Variants in TCF7 observed in about 807,000 individuals in gnomAD.
TCF7 encodes transcription factor 7, also known as T-cell-factor-7.
TCF7 carries 19 observed loss-of-function variants against 46.8 expected under a neutral mutation model. That is an observed-to-expected ratio of 0.41 (90% CI 0.28 to 0.60). TCF7 has a LOEUF of 0.60. Among genes scored for constraint, TCF7 ranks in the 20% least tolerant of loss-of-function variants. The probability of loss-of-function intolerance (pLI) is 0.35; values close to 1 mark genes in which losing one functional copy is unlikely to be tolerated. For synonymous variants in TCF7, 245 were observed against 213.4 expected, an observed-to-expected ratio of 1.15 and a Z score of -1.29; for missense variants, 547 against 504.6, an observed-to-expected ratio of 1.08 and a Z score of -0.81.
intron 3 of TCF7, among the ~76,000 whole-genome samples, chr5:134,118,085 T>A (rs1236034043): frequency 6.6e-6 from 1 of 152,206 alleles, no homozygotes; most frequent in Non-Finnish European, 1.5e-5. Context: ...CCTGAAGACG[T>A]GTGGGCATTG....
At chr5:134,124,015 C>T (rs976146323) in intron 3 of TCF7, among the ~76,000 whole-genome samples, 3 of 152,026 alleles carry the variant, frequency 2.0e-5, no homozygotes, top group Non-Finnish European at 2.9e-5. Flanking sequence ...TCTCGGGGTT[C>T]GGGATCCTAG....
intron 3 of TCF7, among the ~76,000 whole-genome samples, chr5:134,126,918 A>G (rs1561664833): frequency 6.6e-6 from 1 of 151,910 alleles, no homozygotes; most frequent in Non-Finnish European, 1.5e-5. Context: ...AAAAGATCGT[A>G]CAAGCCAAGA....
chr5:134,138,720 C>T (rs916677628), intron 4 of TCF7: 21 of 556,308 alleles, frequency 3.8e-5, no homozygotes, highest in African/African-American at 3.6e-4. Flanking sequence ...TGCCTACTGG[C>T]CCCCTAATGT....
In TCF7 at chr5:134,138,051, T is replaced by C; in HGVS notation, c.442-8T>C. 2 of 1,587,612 alleles carry C rather than the reference T, an allele frequency of 1.3e-6. No individual in the cohort carries two copies. The highest frequency in any genetic ancestry group is 1.7e-4 in the Middle Eastern group (1 of 5,956). Reference sequence around the variant, plus strand: ...CCACACTCACCCACCCTCCTTCTCATTTTTCAGCACAAGGCCAATCAGCCC... The same window carrying C: ...CCACACTCACCCACCCTCCTTCTCACTTTTCAGCACAAGGCCAATCAGCCC... On this transcript the variant is annotated splice_polypyrimidine_tract_variant and splice_region_variant and intron_variant, in intron 3 of 9. Coordinates refer to ENST00000342854, the MANE Select transcript of TCF7 (RefSeq NM_003202.5).
chr5:134,138,808 C>A, intron 4 of TCF7, 143 bp from the exon 5 acceptor site: 1 of 1,321,034 alleles, frequency 7.6e-7, no homozygotes, highest in Non-Finnish European at 1.0e-6. Context: ...CTGGGATCCT[C>A]CTGAATAAAC....
intron 3 of TCF7, among the ~76,000 whole-genome samples, chr5:134,136,287 CAT>C (rs1394397734): frequency 2.2e-4 from 33 of 152,098 alleles, no homozygotes; most frequent in African/African-American, 6.8e-4. Context: ...AAGGAGTGCA[CAT>C]GTGTCCACAT....
rs1422519185 is a variant in TCF7, at chr5:134,147,069, A to G, written c.*766A>G. The G allele has an allele frequency of 6.3e-6, 1 of 158,060 alleles. No homozygotes were observed. The highest frequency in any genetic ancestry group is 2.4e-5 in the African/African-American group (1 of 41,508). The allele number at this position is 158,060 out of a possible 1,614,324, so 9.8% of individuals were successfully genotyped here. A position where few individuals can be genotyped will look rare whatever the true frequency, so the allele number is the denominator to read the frequency against. On this transcript the variant is annotated 3_prime_UTR_variant, in exon 10 of 10. Transcript: ENST00000342854. Reference sequence around the variant, plus strand: ...CCAGCTGCTACTCATAAGTTGGACCAGAGGAAGCCCCTTACTATGATCTCA... The same window carrying G: ...CCAGCTGCTACTCATAAGTTGGACCGGAGGAAGCCCCTTACTATGATCTCA...
At chr5:134,146,085 G>T in intron 9 of TCF7, 139 bp from the exon 10 acceptor site, 2 of 1,593,990 alleles carry the variant, frequency 1.3e-6, no homozygotes, top group Non-Finnish European at 1.7e-6. Flanking sequence ...GCAGTCTGAG[G>T]ACACTGACTT....
intron 3 of TCF7, among the ~76,000 whole-genome samples, chr5:134,135,331 A>G (rs1392081520): frequency 6.6e-6 from 1 of 152,140 alleles, no homozygotes; most frequent in African/African-American, 2.4e-5. Flanking sequence ...GGCAGAAGTG[A>G]CACGATCTGA....
At position 134,146,557 on chromosome 5, in the gene TCF7, C is replaced by T; in HGVS notation, c.*254C>T. 2 of 711,742 alleles carry T rather than the reference C, an allele frequency of 2.8e-6. No homozygotes were observed. Among genetic ancestry groups the T allele is most frequent in the South Asian group, 1.5e-5 (1 of 66,846 alleles). The allele number at this position is 711,742 out of a possible 1,614,324, so 44.1% of individuals were successfully genotyped here. On this transcript the variant is annotated 3_prime_UTR_variant, in exon 10 of 10. Coordinates refer to ENST00000342854, the MANE Select transcript of TCF7 (RefSeq NM_003202.5). ...ACACCTGGCCGCCTCCAGGAGCCTA[C>T]CCCCTGAAAGTGACAGAGACCCAGA...
intron 4 of TCF7, chr5:134,138,478 G>A (rs1759239587): frequency 3.0e-6 from 1 of 333,726 alleles, no homozygotes; most frequent in African/African-American, 2.1e-5. Context: ...TGAGAAAATG[G>A]AAAGTGGTGG....
At position 134,146,936 on chromosome 5, in the gene TCF7, T is replaced by C. The variant is rs575199930; in HGVS notation, c.*633T>C. Reference sequence around the variant, plus strand: ...ATTCAGACACTTCATGGACCAAGAATGAGCTGGTTTGTCAAACAACATGTG... The same window carrying C: ...ATTCAGACACTTCATGGACCAAGAACGAGCTGGTTTGTCAAACAACATGTG... On this transcript the variant is annotated 3_prime_UTR_variant, in exon 10 of 10. Coordinates refer to ENST00000342854, the MANE Select transcript of TCF7 (RefSeq NM_003202.5). The C allele has an allele frequency of 8.0e-5, 16 of 200,054 alleles. No individual in the cohort carries two copies. The highest frequency in any genetic ancestry group is 1.6e-4 in the Non-Finnish European group (16 of 100,296). The allele number at this position is 200,054 out of a possible 1,614,324, so 12.4% of individuals were successfully genotyped here.
intron 9 of TCF7, chr5:134,145,890 A>T: frequency 6.4e-7 from 1 of 1,568,974 alleles, no homozygotes; most frequent in Middle Eastern, 1.8e-4. Flanking sequence ...TGTGAGTCCC[A>T]CAAACACATC....
At chr5:134,131,215 G>A (rs1331875995) in intron 3 of TCF7, among the ~76,000 whole-genome samples, 1 of 152,202 alleles carries the variant, frequency 6.6e-6, no homozygotes, top group Non-Finnish European at 1.5e-5. Context: ...AGCCCATAAA[G>A]GGCCCTGGCA....
the TCF7 span, among the ~76,000 whole-genome samples, chr5:134,109,509 C>T: frequency 6.6e-6 from 1 of 152,144 alleles, no homozygotes; most frequent in Non-Finnish European, 1.5e-5. Context: ...GTGGCTCACG[C>T]TTGTAATCCC....
intron 3 of TCF7, among the ~76,000 whole-genome samples, chr5:134,132,605 C>T (rs1274067942): frequency 6.6e-6 from 1 of 152,234 alleles, no homozygotes; most frequent in Non-Finnish European, 1.5e-5. Flanking sequence ...AGTCAACCGT[C>T]AGAGGCGAGG....
intron 3 of TCF7, among the ~76,000 whole-genome samples, chr5:134,119,242 T>A (rs1056072212): frequency 1.3e-5 from 2 of 152,212 alleles, no homozygotes; most frequent in Admixed American, 1.3e-4. Flanking sequence ...CTTAGACAGA[T>A]GCCGAGCCTT....
At chr5:134,138,592 C>A in intron 4 of TCF7, 1 of 283,642 alleles carries the variant, frequency 3.5e-6, no homozygotes. Flanking sequence ...CAGGTGGAGC[C>A]TTGGCTCCCC....
In TCF7 at chr5:134,146,808, C is replaced by G; in HGVS notation, c.*505C>G. The G allele has an allele frequency of 8.7e-6, 4 of 461,476 alleles. No individual in the cohort carries two copies. In the South Asian group the frequency reaches 1.1e-4, roughly 12 times the overall value. 28.6% of individuals were successfully genotyped at this position (461,476 alleles called of 1,614,324 possible). ...ACCATCTGTCTTGCCAGCCAGAAGC[C>G]TCTGCCTCCCTAGCTTTTCTGCTAT... is the stretch of plus-strand genomic sequence containing the variant. On this transcript the variant is annotated 3_prime_UTR_variant, in exon 10 of 10. Transcript: ENST00000342854.
Sources: gnomAD v4.1 joint callset for allele counts (sites outside exome capture counted in the v4.1 genomes callset) on GRCh38, gnomAD v4.1.1 for gene constraint, MANE v1.5 for transcripts, NCBI Gene and HGNC (gene_info 2026-07-23, HGNC 2026-07-21) for gene names.